The following SCN11A variants were observed in gnomAD, a reference collection of about 807,000 sequenced individuals.
SCN11A encodes the protein sodium voltage-gated channel alpha subunit 11.
Under a neutral mutation model 162.2 loss-of-function variants are expected in SCN11A, and 122 were observed. The observed-to-expected ratio is 0.75, with a 90% CI of 0.65 to 0.87. The LOEUF (loss-of-function observed/expected upper bound fraction) is 0.87, where lower values mean the gene tolerates loss of function less well. SCN11A is among the 40% of genes least tolerant of loss of function. SCN11A has a pLI of 0.00. For missense variants in SCN11A, 2,015 were observed against 2,181.6 expected (o/e 0.92, Z 1.52); for synonymous variants, 758 against 751.5 (o/e 1.01, Z -0.14).
intron 4 of SCN11A, among the ~76,000 whole-genome samples, chr3:38,951,954 G>A (rs1040571772): frequency 1.3e-5 from 2 of 152,050 alleles, no homozygotes; most frequent in Non-Finnish European, 2.9e-5. Context: ...CAACCCGCTG[G>A]GGTCCCCTTC....
At chr3:39,037,054 C>T (rs1047405758) in intron 1 of SCN11A, among the ~76,000 whole-genome samples, 3 of 152,090 alleles carry the variant, frequency 2.0e-5, no homozygotes, top group Non-Finnish European at 4.4e-5. Flanking sequence ...CTCATAATAG[C>T]CAAGATTTGG....
intron 2 of SCN11A, among the ~76,000 whole-genome samples, chr3:38,995,941 G>A (rs570483987): frequency 2.0e-5 from 3 of 152,176 alleles, no homozygotes; most frequent in Admixed American, 1.3e-4. Flanking sequence ...CTGTGAATAA[G>A]GTCATAAGAA....
At chr3:38,921,795 T>TTTCA (rs140805063) in intron 9 of SCN11A, among the ~76,000 whole-genome samples, 1,906 of 152,244 alleles carry the variant, frequency 0.013, 35 homozygotes, top group African/African-American at 0.04. Flanking sequence ...GGTGTTTTCT[T>TTTCA]TTCATTCATT....
intron 28 of SCN11A, among the ~76,000 whole-genome samples, chr3:38,851,141 T>C (rs2064772464): frequency 6.6e-6 from 1 of 152,210 alleles, no homozygotes; most frequent in South Asian, 2.1e-4. Flanking sequence ...TTCTGTATTC[T>C]TACTTCAACA....
At chr3:38,856,787 A>G (rs1023658252) in intron 28 of SCN11A, among the ~76,000 whole-genome samples, 1 of 152,216 alleles carries the variant, frequency 6.6e-6, no homozygotes, top group African/African-American at 2.4e-5. Context: ...GATCCCTGCC[A>G]TTCCAACTCC....
intron 2 of SCN11A, among the ~76,000 whole-genome samples, chr3:38,992,915 G>A (rs2030496726): frequency 6.6e-6 from 1 of 152,164 alleles, no homozygotes. Flanking sequence ...GGGCCAGGCT[G>A]AGAGCTTCCT....
rs1264885814 is a variant in SCN11A, at chr3:38,871,694, A to G, written c.3510T>C (p.Ala1170=). 1 of 1,603,332 alleles carries G rather than the reference A, an allele frequency of 6.2e-7. No homozygotes were observed. The highest frequency in any genetic ancestry group is 2.2e-5 in the East Asian group (1 of 44,790). Residue 1170 remains alanine, a synonymous_variant, in exon 25 of 30, where the codon GCT becomes GCC. Transcript: ENST00000302328. ...GAATGGCAGGTATGGCACCTATGAG[A>G]GCATTGACCACCACCTTATGGAAAC... is the stretch of plus-strand genomic sequence containing the variant. The part of the protein sequence containing the change: ...QFEGMKVVVN[A]LIGAIPAILN...
At chr3:38,998,034 C>G (rs2030696816) in intron 2 of SCN11A, among the ~76,000 whole-genome samples, 1 of 152,132 alleles carries the variant, frequency 6.6e-6, no homozygotes, top group South Asian at 2.1e-4. Flanking sequence ...TCATAATCCC[C>G]TTCCAAAAAC....
chr3:38,888,435 C>T (rs766594844), intron 19 of SCN11A, among the ~76,000 whole-genome samples: 5 of 152,322 alleles, frequency 3.3e-5, no homozygotes, highest in South Asian at 2.1e-4. Flanking sequence ...TTTAAGCTAA[C>T]ATTCCAAAAT....
At chr3:38,861,926 A>C (rs755141066) in intron 28 of SCN11A, among the ~76,000 whole-genome samples, 1 of 152,206 alleles carries the variant, frequency 6.6e-6, no homozygotes, top group African/African-American at 2.4e-5. Context: ...GCACGGCAAA[A>C]TAAATAATCA....
chr3:38,986,260 C>T (rs114015425), intron 2 of SCN11A, among the ~76,000 whole-genome samples: 3,314 of 149,974 alleles, frequency 0.022, 104 homozygotes, highest in Non-Finnish European at 0.034. Context: ...GAAGTGCCGA[C>T]AGAGCCAGCA....
chr3:39,009,256 T>C (rs1253215721), intron 2 of SCN11A, among the ~76,000 whole-genome samples: 2 of 152,038 alleles, frequency 1.3e-5, no homozygotes, highest in Non-Finnish European at 2.9e-5. Context: ...ATAAAATACA[T>C]TTAGTATTTT....
At chr3:38,989,335 A>T (rs2030377996) in intron 2 of SCN11A, among the ~76,000 whole-genome samples, 1 of 152,220 alleles carries the variant, frequency 6.6e-6, no homozygotes, top group East Asian at 1.9e-4. Flanking sequence ...ATCATGGAGC[A>T]GAAACCCGCT....
intron 11 of SCN11A, among the ~76,000 whole-genome samples, chr3:38,911,097 A>G (rs972175821): frequency 6.6e-6 from 1 of 152,128 alleles, no homozygotes; most frequent in African/African-American, 2.4e-5. Flanking sequence ...CTGATATTTG[A>G]TTTATCAATT....
intron 9 of SCN11A, among the ~76,000 whole-genome samples, 188 bp from the exon 10 acceptor site, chr3:38,921,443 T>C (rs1217775926): frequency 6.6e-6 from 1 of 152,170 alleles, no homozygotes; most frequent in African/African-American, 2.4e-5. Context: ...CTGAGTGTCA[T>C]CAAAGCAGTC....
At chr3:38,910,229 A>C in intron 11 of SCN11A, 22 bp from the exon 12 acceptor site, 1 of 1,603,308 alleles carries the variant, frequency 6.2e-7, no homozygotes, top group Non-Finnish European at 8.5e-7. Flanking sequence ...AAACAAACAG[A>C]GAAATAATTA....
chr3:38,927,319 G>A (rs1330838084), intron 7 of SCN11A, among the ~76,000 whole-genome samples: 1 of 152,146 alleles, frequency 6.6e-6, no homozygotes, highest in Non-Finnish European at 1.5e-5. Context: ...CAAGCAAATA[G>A]CTGAATTTTT....
chr3:38,895,079 T>C (rs1559514211), intron 18 of SCN11A, 115 bp from the exon 19 acceptor site: 5 of 838,996 alleles, frequency 6.0e-6, no homozygotes, highest in Non-Finnish European at 9.1e-6. Context: ...TAGAGTTTTA[T>C]GTCCCACTGT....
chr3:38,882,042 A>G (rs995871512), intron 22 of SCN11A, among the ~76,000 whole-genome samples: 1 of 152,228 alleles, frequency 6.6e-6, no homozygotes, highest in African/African-American at 2.4e-5. Context: ...GCCAGTGAAA[A>G]TGTAGTCACC....
Sources: gnomAD v4.1 joint callset for allele counts (sites outside exome capture counted in the v4.1 genomes callset) on GRCh38, gnomAD v4.1.1 for gene constraint, MANE v1.5 for transcripts, NCBI Gene and HGNC (gene_info 2026-07-23, HGNC 2026-07-21) for gene names.